The following ENPP7 variants were observed in gnomAD, a reference collection of about 807,000 sequenced individuals.
ENPP7 encodes ectonucleotide pyrophosphatase/phosphodiesterase 7.
ENPP7 carries 39 observed loss-of-function variants against 33.6 expected under a neutral mutation model. The observed-to-expected ratio is 1.16, with a 90% CI of 0.90 to 1.52. ENPP7 has a LOEUF of 1.52. ENPP7 is among the 40% of genes most tolerant of loss of function. The pLI, the probability that ENPP7 is intolerant of heterozygous loss-of-function variation, is 0.00. For synonymous variants in ENPP7, 244 were observed against 274.3 expected, an observed-to-expected ratio of 0.89 and a Z score of 1.09; for missense variants, 594 against 641.0, an observed-to-expected ratio of 0.93 and a Z score of 0.79.
chr17:79,740,789 C>G (rs1198885263), intron 5 of ENPP7, among the ~76,000 whole-genome samples: 1 of 152,178 alleles, frequency 6.6e-6, no homozygotes, highest in Non-Finnish European at 1.5e-5. Flanking sequence ...TGAATACTCC[C>G]ACCATGGCCC....
At position 79,742,009 on chromosome 17, in the gene ENPP7, C is replaced by A; in HGVS notation, c.*232C>A. On this transcript the variant is annotated 3_prime_UTR_variant, in exon 6 of 6. Transcript: ENST00000328313. ...CCGGCGAGCCGGTCCCATAACCGGC[C>A]CCCTGCCCCTGCCCCTGCTCCTGCT... is the stretch of plus-strand genomic sequence containing the variant. The A allele has an allele frequency of 1.2e-6, 1 of 821,096 alleles. No homozygotes were observed. Among genetic ancestry groups the A allele is most frequent in the South Asian group, 5.4e-5 (1 of 18,518 alleles). The allele number at this position is 821,096 out of a possible 1,614,324, so 50.9% of individuals were successfully genotyped here.
rs201256125 is a variant in ENPP7 at position 79,735,066 on chromosome 17, C to T, written c.423C>T (p.Phe141=). ...QRQGLRAGSF[F]YPGGNVTYQG... ...AGGGCCTGAGGGCTGGCTCCTTCTT[C>T]TACCCGGGCGGGAACGTCACCTACC... is the stretch of plus-strand genomic sequence containing the variant. The change falls in exon 3 of 6, where the codon TTC becomes TTT. Residue 141 remains phenylalanine (F), a synonymous_variant. Transcript: ENST00000328313. This position sits in a 1 kb window ranked among gnomAD's most constrained non-coding sequence, Gnocchi z 5.5. 1,337 of 1,612,964 alleles carry T rather than the reference C, an allele frequency of 8.3e-4. No homozygotes were observed. The highest frequency in any genetic ancestry group is 1.0e-3 in the Non-Finnish European group (1,235 of 1,179,996).
In ENPP7 at chr17:79,730,961, C is replaced by T. The variant is rs2094283949; in HGVS notation, c.-179C>T. 2 of 638,682 alleles carry T rather than the reference C, an allele frequency of 3.1e-6. No homozygotes were observed. Among genetic ancestry groups the T allele is most frequent in the Admixed American group, 3.0e-5 (1 of 33,276 alleles). 39.6% of individuals were successfully genotyped at this position (638,682 alleles called of 1,614,324 possible). A position where few individuals can be genotyped will look rare whatever the true frequency, so the allele number is the denominator to read the frequency against. ...CCACCCCACGCACGTGAGGCTGGGACCAGGGGTGGCACTGACACGGCTGGG... is the reference window on the plus strand; with the variant it reads ...CCACCCCACGCACGTGAGGCTGGGATCAGGGGTGGCACTGACACGGCTGGG... On this transcript the variant is annotated 5_prime_UTR_variant, in exon 1 of 6. Transcript: ENST00000328313.
chr17:79,739,827 T>A lies in ENPP7; in HGVS notation c.*16+1765T>A, dbSNP rs782351419. ...CCAGAAGGAGTGGACTGAGAAGAGA[T>A]GGTGACCACACCACTCACTGAGAAG... On this transcript the variant is annotated intron_variant, in intron 5 of 5. Transcript: ENST00000328313. This position sits in a 1 kb window ranked among gnomAD's most constrained non-coding sequence, Gnocchi z 4.4. 2.6e-5 allele frequency among the ~76,000 whole-genome samples: 4 copies of A among 152,136 alleles called. No homozygotes were observed. Among genetic ancestry groups the A allele is most frequent in the Non-Finnish European group, 5.9e-5 (4 of 68,016 alleles).
At chr17:79,733,393 A>G (rs2094289753) in intron 1 of ENPP7, 115 bp from the exon 2 acceptor site, 97 of 1,116,610 alleles carry the variant, frequency 8.7e-5, no homozygotes, top group Non-Finnish European at 1.3e-4. Context: ...CCCACTCCCC[A>G]CCCAGCACAC....
chr17:79,735,035 T>C lies in ENPP7; in HGVS notation c.400-8T>C. 1 of 1,611,698 alleles carries C rather than the reference T, an allele frequency of 6.2e-7. No individual in the cohort carries two copies. Among genetic ancestry groups the C allele is most frequent in the Non-Finnish European group, 8.5e-7 (1 of 1,179,028 alleles). On this transcript the variant is annotated splice_region_variant and splice_polypyrimidine_tract_variant and intron_variant, in intron 2 of 5. Transcript: ENST00000328313. The surrounding 1 kb of genome is among the most constrained non-coding windows in gnomAD (Gnocchi z 5.5). ...GAGTCCTGTCTTTCACGCTGCCTTG[T>C]CTGGCAGGGCCTGAGGGCTGGCTCC...
In ENPP7 at chr17:79,733,651, C is replaced by T; in HGVS notation, c.397C>T (p.Gln133Ter). 1 of 1,609,334 alleles carries T rather than the reference C, an allele frequency of 6.2e-7. No homozygotes were observed. Reference sequence around the variant, plus strand: ...GCCCATCTGGATCACAGCCCAGAGGCAGGTAATGTCACCCCCGCCCATACT... The same window carrying T: ...GCCCATCTGGATCACAGCCCAGAGGTAGGTAATGTCACCCCCGCCCATACT... ...SVPIWITAQR[Q>*]GLRAGSFFYP... Residue 133 changes from glutamine (Q) to a stop codon, truncating the protein, a stop_gained and splice_region_variant, in exon 2 of 6, where the codon CAG (glutamine) becomes TAG (stop). Transcript: ENST00000328313. LOFTEE classifies it high-confidence loss of function.
At chr17:79,736,934 C>A in intron 3 of ENPP7, 107 bp from the exon 4 acceptor site, 2 of 845,580 alleles carry the variant, frequency 2.4e-6, no homozygotes, top group Non-Finnish European at 1.9e-6. Flanking sequence ...CTCCAGCCCT[C>A]ACGTTGGTGC....
Position 79,737,190 on chromosome 17 carries a change from C to T in ENPP7, c.1176C>T (p.Cys392=). 1 of 1,613,310 alleles carries T rather than the reference C, an allele frequency of 6.2e-7. No individual in the cohort carries two copies. The highest frequency in any genetic ancestry group is 8.5e-7 in the Non-Finnish European group (1 of 1,180,016). ...FESVHVYELM[C]RLLGIVPEAN... is the part of the protein sequence containing the mutation. Reference sequence around the variant, plus strand: ...GCGTCCACGTGTACGAGCTCATGTGCCGGCTGCTGGGCATCGTGCCCGAGG... The same window carrying T: ...GCGTCCACGTGTACGAGCTCATGTGTCGGCTGCTGGGCATCGTGCCCGAGG... Residue 392 remains cysteine (C), a synonymous_variant, in exon 4 of 6, where the codon TGC becomes TGT. Transcript: ENST00000328313. The surrounding 1 kb of genome is among the most constrained non-coding windows in gnomAD (Gnocchi z 5.5).
chr17:79,735,074 G>GC lies in ENPP7; in HGVS notation c.432dup (p.Gly145ArgfsTer25). The GC allele has an allele frequency of 6.2e-7, 1 of 1,613,002 alleles. No homozygotes were observed. The highest frequency in any genetic ancestry group is 8.5e-7 in the Non-Finnish European group (1 of 1,180,038). On this transcript the variant is annotated frameshift_variant, in exon 3 of 6. Transcript: ENST00000328313. LOFTEE classifies it high-confidence loss of function. The surrounding 1 kb of genome is among the most constrained non-coding windows in gnomAD (Gnocchi z 5.5). ...AGGGCTGGCTCCTTCTTCTACCCGG[G>GC]CGGGAACGTCACCTACCAAGGGGTG...
chr17:79,731,153 C>T lies in ENPP7; in HGVS notation c.14C>T (p.Ala5Val), dbSNP rs1555822399. Reference sequence around the variant, plus strand: ...GGAAGGCCCAGCATGAGAGGCCCGGCCGTCCTCCTCACTGTGGCTCTGGCC... The same window carrying T: ...GGAAGGCCCAGCATGAGAGGCCCGGTCGTCCTCCTCACTGTGGCTCTGGCC... MRGP[A>V]VLLTVALATL... Residue 5 changes from alanine (A) to valine (V), a missense_variant, in exon 1 of 6, where the codon GCC becomes GTC. By Grantham distance (64) the Ala-to-Val change is moderately conservative. Around this residue, in one of 3 missense-constraint regions of ENPP7, gnomAD observed 85 missense variants for 111.3 expected, o/e 0.76. Coordinates refer to ENST00000328313, the MANE Select transcript of ENPP7 (RefSeq NM_178543.5). The T allele has an allele frequency of 1.9e-6, 3 of 1,608,588 alleles. No individual in the cohort carries two copies. In the Admixed American group the frequency reaches 5.0e-5, roughly 27 times the overall value.
chr17:79,741,309 T>G (rs1482667962), intron 5 of ENPP7, among the ~76,000 whole-genome samples: 2 of 152,194 alleles, frequency 1.3e-5, no homozygotes, highest in East Asian at 3.9e-4. Flanking sequence ...ATTTCTTTCC[T>G]CTGAAGCTAG....
Position 79,735,125 on chromosome 17 carries a change from G to A in ENPP7, c.482G>A (p.Gly161Asp). ...GCTGTGACGCGGAGCCGGAAAGAAG[G>A]CATCGCACACAACTACAAAAATGAG... ...GVAVTRSRKE[G>D]IAHNYKNETE... The change falls in exon 3 of 6, where the codon GGC (glycine) becomes GAC (aspartate). Residue 161 changes from glycine (G) to aspartate (D), a missense_variant. Gly to Asp is a moderately conservative substitution (Grantham distance 94). This residue lies in a region of ENPP7 where 504 missense variants were observed against 512.8 expected (regional missense o/e 0.98). Coordinates refer to ENST00000328313, the MANE Select transcript of ENPP7 (RefSeq NM_178543.5). This position sits in a 1 kb window ranked among gnomAD's most constrained non-coding sequence, Gnocchi z 5.5. 1 of 1,613,148 alleles carries A rather than the reference G, an allele frequency of 6.2e-7. No homozygotes were observed. The highest frequency in any genetic ancestry group is 1.3e-5 in the African/African-American group (1 of 75,048).
intron 5 of ENPP7, among the ~76,000 whole-genome samples, chr17:79,740,739 CA>C (rs1476841749): frequency 6.6e-6 from 1 of 152,222 alleles, no homozygotes; most frequent in African/African-American, 2.4e-5. Flanking sequence ...AGATCCCCCT[CA>C]AAAAGCCCTG....
intron 2 of ENPP7, among the ~76,000 whole-genome samples, chr17:79,734,661 G>A (rs1430238350): frequency 2.0e-5 from 3 of 152,028 alleles, no homozygotes; most frequent in African/African-American, 4.8e-5. Flanking sequence ...TGTATTTTCA[G>A]TAGAGACAGG....
chr17:79,737,053 C>T lies in ENPP7; in HGVS notation c.1039C>T (p.Gln347Ter). The change falls in exon 4 of 6, where the codon CAG (glutamine) becomes TAG (stop). Residue 347 changes from glutamine to a stop codon, truncating the protein, a stop_gained. Coordinates refer to ENST00000328313, the MANE Select transcript of ENPP7 (RefSeq NM_178543.5). LOFTEE classifies it high-confidence loss of function. This position sits in a 1 kb window ranked among gnomAD's most constrained non-coding sequence, Gnocchi z 5.5. ...CGCTCCCCGGCAGAGAATTAACGTC[C>T]AGTTCAACAATGGGGAGCACGGCTT... is the stretch of plus-strand genomic sequence containing the variant. Reference protein sequence around the residue: ...GYVIHGRINVQFNNGEHGFDN... With the variant: ...GYVIHGRINV 6.2e-7 allele frequency: 1 copy of T among 1,614,072 alleles called. No homozygotes were observed. The highest frequency in any genetic ancestry group is 8.5e-7 in the Non-Finnish European group (1 of 1,180,028).
intron 3 of ENPP7, among the ~76,000 whole-genome samples, chr17:79,736,800 G>A (rs1030604212): frequency 3.3e-5 from 5 of 152,184 alleles, no homozygotes; most frequent in Admixed American, 6.5e-5. Context: ...GGAGCTGCCC[G>A]CTCCACTCCC....
Position 79,739,811 on chromosome 17 carries a change from G to A in ENPP7, c.*16+1749G>A, listed in dbSNP as rs76167149. Among the ~76,000 whole-genome samples, 293 of 152,372 alleles carry A rather than the reference G, an allele frequency of 1.9e-3. 3 individuals are homozygous for A. The highest frequency in any genetic ancestry group is 0.012 in the East Asian group (61 of 5,188). ...CAATGAAAGCCCCCAGCCAGAAGGA[G>A]TGGACTGAGAAGAGATGGTGACCAC... On this transcript the variant is annotated intron_variant, in intron 5 of 5. Transcript: ENST00000328313. The surrounding 1 kb of genome is among the most constrained non-coding windows in gnomAD (Gnocchi z 4.4).
rs374642136 is a variant in ENPP7, at chr17:79,735,276, G to A, written c.633G>A (p.Glu211=). The A allele has an allele frequency of 1.2e-6, 2 of 1,613,498 alleles. No individual in the cohort carries two copies. Among genetic ancestry groups the A allele is most frequent in the Non-Finnish European group, 8.5e-7 (1 of 1,180,040 alleles). ...ACAGGTACGGCCCCGAGTCCCCGGA[G>A]AGGAGGGAGATGGTGCGGCAGGTGG... The part of the protein sequence containing the change: ...TGHRYGPESP[E]RREMVRQVDR... Residue 211 remains glutamate (E), a synonymous_variant, in exon 3 of 6, where the codon GAG becomes GAA. Transcript: ENST00000328313. The surrounding 1 kb of genome is among the most constrained non-coding windows in gnomAD (Gnocchi z 5.5).
Sources: allele counts gnomAD v4.1 joint callset (sites outside exome capture counted in the v4.1 genomes callset), GRCh38; gene constraint gnomAD v4.1.1; regional missense constraint gnomAD v4.1.1; non-coding constraint Gnocchi (gnomAD v3.1); transcripts MANE v1.5; gene names NCBI Gene and HGNC (gene_info 2026-07-23, HGNC 2026-07-21).